CD200R1L: variants seen among roughly 807,000 people sequenced by gnomAD.
The protein encoded by CD200R1L is CD200 receptor 1 like, also known as cell surface glycoprotein CD200 receptor 2.
A neutral mutation model predicts 24.8 loss-of-function variants in CD200R1L; 14 were observed. The ratio of observed to expected loss-of-function variants is 0.56; its 90% CI spans 0.37 to 0.88. The LOEUF is 0.88. Ranked by LOEUF, CD200R1L falls within the 40% of genes least tolerant of loss-of-function variation. The pLI, the probability that CD200R1L is intolerant of heterozygous loss-of-function variation, is 0.00. For missense variants in CD200R1L, 299 were observed against 297.8 expected (o/e 1.00, Z -0.03); for synonymous variants, 111 against 109.2 (o/e 1.02, Z -0.11).
rs1375156896 is a variant in CD200R1L at position 112,825,180 on chromosome 3, A to G, written c.616+1813T>C. ...CATGAACCTGGGAGGTGGAGCTTGC[A>G]GTGAGCCGAGATTGCACCACTGCAC... On this transcript the variant is annotated intron_variant, in intron 6 of 7. Transcript: ENST00000488794. 3.3e-5 allele frequency among the ~76,000 whole-genome samples: 5 copies of G among 151,966 alleles called. No individual in the cohort carries two copies. In the East Asian group the frequency reaches 5.8e-4, roughly 18 times the overall value.
chr3:112,829,355 G>C lies in CD200R1L; in HGVS notation c.13C>G (p.Gln5Glu), dbSNP rs1215282264. ...ATTGTTGAATAGTTCTGTGTCATCT[G>C]CTTTCCACCCATGCATGAACTACTT... MGGK[Q>E]MTQNYSTIFA... is the part of the protein sequence containing the mutation. Residue 5 changes from glutamine to glutamate, a missense_variant, in exon 4 of 8, where the codon CAG becomes GAG. Physicochemically the swap from Gln to Glu is conservative, Grantham distance 29. Transcript: ENST00000488794. 6.2e-7 allele frequency: 1 copy of C among 1,613,996 alleles called. No homozygotes were observed. Among genetic ancestry groups the C allele is most frequent in the Non-Finnish European group, 8.5e-7 (1 of 1,179,890 alleles).
intron 7 of CD200R1L, among the ~76,000 whole-genome samples, chr3:112,819,314 G>T (rs1189546360): frequency 6.6e-6 from 1 of 152,108 alleles, no homozygotes; most frequent in Non-Finnish European, 1.5e-5. Flanking sequence ...GAACCCAAAG[G>T]CTTATTGCAA....
At chr3:112,823,482 T>C (rs897135306) in intron 6 of CD200R1L, among the ~76,000 whole-genome samples, 2 of 152,216 alleles carry the variant, frequency 1.3e-5, no homozygotes, top group Non-Finnish European at 2.9e-5. Flanking sequence ...AGGTAGTTAG[T>C]GTCTGAATTG....
chr3:112,816,841 A>T (rs1938407330), intron 7 of CD200R1L, among the ~76,000 whole-genome samples: 1 of 152,162 alleles, frequency 6.6e-6, no homozygotes, highest in Admixed American at 6.5e-5. Context: ...ATGGTAGTGA[A>T]TAAGTGTCAT....
chr3:112,830,498 G>GTTTTTTTTTT (rs11391916), intron 3 of CD200R1L, among the ~76,000 whole-genome samples: 2 of 102,036 alleles, frequency 2.0e-5, no homozygotes, highest in East Asian at 3.2e-4. Context: ...TGTCATTGCA[G>GTTTTTTTTTT]TTTTTTTTTT....
chr3:112,845,033 A>T (rs1269915423), intron 2 of CD200R1L, among the ~76,000 whole-genome samples: 1 of 152,134 alleles, frequency 6.6e-6, no homozygotes, highest in Non-Finnish European at 1.5e-5. Flanking sequence ...AAATCACTAA[A>T]ATCAGAGCAG....
chr3:112,826,158 A>G (rs1379505677), intron 6 of CD200R1L, among the ~76,000 whole-genome samples: 4 of 152,070 alleles, frequency 2.6e-5, no homozygotes, highest in Non-Finnish European at 2.9e-5. Flanking sequence ...TATATTTAAT[A>G]TTAGTTGTAA....
Position 112,815,979 on chromosome 3 carries a change from A to G in CD200R1L, c.741-4T>C. ...CCTTCTTCTTTAAAGAACTTTTCTG[A>G]AAGTATTACACAAGATTTGTATTTA... On this transcript the variant is annotated splice_region_variant and splice_polypyrimidine_tract_variant and intron_variant, in intron 7 of 7. Transcript: ENST00000488794. 1 of 780,490 alleles carries G rather than the reference A, an allele frequency of 1.3e-6. No individual in the cohort carries two copies. 48.3% of individuals were successfully genotyped at this position (780,490 alleles called of 1,614,324 possible).
chr3:112,819,612 A>T (rs1189654007), intron 7 of CD200R1L, among the ~76,000 whole-genome samples, 160 bp downstream of exon 7: 1 of 152,216 alleles, frequency 6.6e-6, no homozygotes, highest in South Asian at 2.1e-4. Flanking sequence ...CTGGGCTCTC[A>T]GTTGTTAATG....
chr3:112,823,535 A>C (rs907486883), intron 6 of CD200R1L, among the ~76,000 whole-genome samples: 7 of 152,202 alleles, frequency 4.6e-5, no homozygotes, highest in Non-Finnish European at 8.8e-5. Context: ...TTGGAGAATT[A>C]GTTGGTGTAG....
rs1217524398 is a variant in CD200R1L at position 112,833,547 on chromosome 3, A to G, written c.-17-4163T>C. Among the ~76,000 whole-genome samples, 3 of 152,342 alleles carry G rather than the reference A, an allele frequency of 2.0e-5. No homozygotes were observed. The East Asian group carries it at 5.8e-4, about 29-fold the overall frequency. On this transcript the variant is annotated intron_variant, in intron 3 of 7. Coordinates refer to ENST00000488794, the MANE Select transcript of CD200R1L (RefSeq NM_001199215.3). Reference sequence around the variant, plus strand: ...CCTAAAACAACCCATTATAAGCTGCATACTATTAGACCCAACAAATCATAA... The same window carrying G: ...CCTAAAACAACCCATTATAAGCTGCGTACTATTAGACCCAACAAATCATAA...
intron 2 of CD200R1L, 118 bp downstream of exon 2, chr3:112,845,561 A>G (rs1193112508): frequency 1.2e-6 from 1 of 816,418 alleles, no homozygotes. Context: ...GTACACATTT[A>G]TCACTGCTGC....
chr3:112,830,355 G>A (rs989311727), intron 3 of CD200R1L, among the ~76,000 whole-genome samples: 1 of 152,030 alleles, frequency 6.6e-6, no homozygotes, highest in African/African-American at 2.4e-5. Flanking sequence ...ACATCATCAT[G>A]GGTGATATCC....
At chr3:112,845,240 C>T (rs1395950979) in intron 2 of CD200R1L, among the ~76,000 whole-genome samples, 4 of 152,094 alleles carry the variant, frequency 2.6e-5, no homozygotes, top group East Asian at 1.9e-4. Flanking sequence ...AAAATGTCCT[C>T]GGAGACTATT....
At chr3:112,836,988 T>C (rs1938965035) in intron 3 of CD200R1L, among the ~76,000 whole-genome samples, 1 of 152,352 alleles carries the variant, frequency 6.6e-6, no homozygotes, top group East Asian at 1.9e-4. Flanking sequence ...TAAAGTGATG[T>C]AAACTATTTC....
intron 2 of CD200R1L, 60 bp downstream of exon 2, chr3:112,845,619 C>T: frequency 7.5e-7 from 1 of 1,329,298 alleles, no homozygotes; most frequent in Non-Finnish European, 1.1e-6. Context: ...CAAGAGTATC[C>T]TCATAATCAT....
At chr3:112,843,924 A>G (rs772079769) in intron 2 of CD200R1L, among the ~76,000 whole-genome samples, 2 of 152,350 alleles carry the variant, frequency 1.3e-5, no homozygotes, top group African/African-American at 2.4e-5. Flanking sequence ...GCAAAACAGA[A>G]TTTAAACGAA....
chr3:112,824,312 A>G (rs1432796747), intron 6 of CD200R1L, among the ~76,000 whole-genome samples: 1 of 152,222 alleles, frequency 6.6e-6, no homozygotes, highest in East Asian at 1.9e-4. Context: ...ATTTATCAAG[A>G]TATAAAATAC....
At chr3:112,836,115 T>A (rs915246502) in intron 3 of CD200R1L, among the ~76,000 whole-genome samples, 3 of 152,182 alleles carry the variant, frequency 2.0e-5, no homozygotes, top group African/African-American at 7.2e-5. Flanking sequence ...GGGAGTGAGG[T>A]TGAGGCCATA....
Sources: gnomAD v4.1 joint callset for allele counts (sites outside exome capture counted in the v4.1 genomes callset) on GRCh38, gnomAD v4.1.1 for gene constraint, MANE v1.5 for transcripts, NCBI Gene and HGNC (gene_info 2026-07-23, HGNC 2026-07-21) for gene names.